The following SEZ6L2 variants were observed in gnomAD, a reference collection of about 807,000 sequenced individuals.
SEZ6L2 encodes the protein seizure related 6 homolog like 2.
Under a neutral mutation model 97.0 loss-of-function variants are expected in SEZ6L2, and 44 were observed. The ratio of observed to expected loss-of-function variants is 0.45; its 90% confidence interval spans 0.36 to 0.58. The LOEUF is 0.58. Ranked by LOEUF, SEZ6L2 falls within the 20% of genes least tolerant of loss-of-function variation. The pLI is 0.00. For missense variants in SEZ6L2, 1,086 were observed against 1,233.3 expected, an observed-to-expected ratio of 0.88 and a Z score of 1.79; for synonymous variants, 543 against 546.1, an observed-to-expected ratio of 0.99 and a Z score of 0.08.
Position 29,888,705 on chromosome 16 carries a change from A to G in SEZ6L2, c.874T>C (p.Phe292Leu), listed in dbSNP as rs2150804796. ...TCCCCATGGGCCGGCCGGGGAGGGA[A>G]GCCACAGCTCAGGAGGTAGGCTGCA... ...HYQAYLLSCG[F>L]PPRPAHGDVS... The change falls in exon 6 of 18, where the codon TTC (phenylalanine) becomes CTC (leucine). Residue 292 changes from phenylalanine to leucine, a missense_variant. By Grantham distance (22) the Phe-to-Leu change is conservative (BLOSUM62 0). Coordinates refer to ENST00000617533, the MANE Select transcript of SEZ6L2 (RefSeq NM_001243332.2). 1.2e-6 allele frequency: 2 copies of G among 1,613,244 alleles called. No individual in the cohort carries two copies. The highest frequency in any genetic ancestry group is 8.5e-7 in the Non-Finnish European group (1 of 1,179,736).
At chr16:29,872,115 G>A (rs2067795139) in intron 17 of SEZ6L2, 72 bp downstream of exon 17, 2 of 1,224,500 alleles carry the variant, frequency 1.6e-6, no homozygotes, top group Admixed American at 2.3e-5. Context: ...AGATTCCAGA[G>A]ACCTTGCGAG....
At chr16:29,879,157 C>A (rs1596967348) in intron 9 of SEZ6L2, among the ~76,000 whole-genome samples, 1 of 152,024 alleles carries the variant, frequency 6.6e-6, no homozygotes, top group African/African-American at 2.4e-5. Flanking sequence ...CCTGCCTGAG[C>A]CTCCCAGAGT....
chr16:29,895,659 A>C (rs749203956), intron 4 of SEZ6L2, 62 bp downstream of exon 4: 2 of 1,557,316 alleles, frequency 1.3e-6, no homozygotes, highest in Non-Finnish European at 1.7e-6. Flanking sequence ...AAACCCGTGC[A>C]CACCCACAGC....
In SEZ6L2 at chr16:29,880,476, C is replaced by T. The variant is rs142266433; in HGVS notation, c.1373-412G>A. ...CTGGGATTATAGGCATGTGCTACTA[C>T]GCCTGGCTAATTTTTTGTATTTTTA... On this transcript the variant is annotated intron_variant, in intron 8 of 17. Coordinates refer to ENST00000617533, the MANE Select transcript of SEZ6L2 (RefSeq NM_001243332.2). Among the ~76,000 whole-genome samples, 246 of 152,224 alleles carry T rather than the reference C, an allele frequency of 1.6e-3. 3 individuals are homozygous for T. Among genetic ancestry groups the T allele is most frequent in the African/African-American group, 5.7e-3 (236 of 41,536 alleles).
rs950097429 is a variant in SEZ6L2 at position 29,888,652 on chromosome 16, C to T, written c.927G>A (p.Gly309=). The T allele has an allele frequency of 6.2e-7, 1 of 1,614,022 alleles. No individual in the cohort carries two copies. Among genetic ancestry groups the T allele is most frequent in the Non-Finnish European group, 8.5e-7 (1 of 1,179,960 alleles). The change falls in exon 6 of 18, where the codon GGG becomes GGA. Residue 309 remains glycine, a synonymous_variant. Transcript: ENST00000617533. ...AATCACAGTGAAAGGTGGCAGTGCC[C>T]CCAGGGTGCAGGTCCGTCACACTCA... is the stretch of plus-strand genomic sequence containing the variant. The part of the protein sequence containing the change: ...GDVSVTDLHP[G]GTATFHCDSG...
Position 29,876,995 on chromosome 16 carries a change from G to A in SEZ6L2, c.1910-45C>T, listed in dbSNP as rs779111351. 3 of 1,548,592 alleles carry A rather than the reference G, an allele frequency of 1.9e-6. No individual in the cohort carries two copies. Among genetic ancestry groups the A allele is most frequent in the South Asian group, 2.3e-5 (2 of 86,256 alleles). ...AGTTTGGAGGCTGCGTTTTAACTGC[G>A]GGCTCCCTTCCAGCCTCGGAGGCTT... On this transcript the variant is annotated intron_variant, in intron 11 of 17. Transcript: ENST00000617533. This position sits in a 1 kb window ranked among gnomAD's most constrained non-coding sequence, Gnocchi z 6.5.
chr16:29,898,300 C>G (rs2068450963), intron 1 of SEZ6L2, among the ~76,000 whole-genome samples: 1 of 152,208 alleles, frequency 6.6e-6, no homozygotes, highest in Non-Finnish European at 1.5e-5. Context: ...TTCCCTTTCA[C>G]CTCAGTGGTG....
In SEZ6L2 at chr16:29,895,475, C is replaced by A. The variant is rs2068365148; in HGVS notation, c.652-15G>T. 1 of 1,612,388 alleles carries A rather than the reference C, an allele frequency of 6.2e-7. No individual in the cohort carries two copies. The highest frequency in any genetic ancestry group is 1.3e-5 in the African/African-American group (1 of 74,934). ...AGCGTCTGCACCTAGAGAAGCCAGA[C>A]ACAGACCCGCCAGGGCAAGTCAGCC... is the stretch of plus-strand genomic sequence containing the variant. On this transcript the variant is annotated splice_polypyrimidine_tract_variant and intron_variant, in intron 4 of 17. Coordinates refer to ENST00000617533, the MANE Select transcript of SEZ6L2 (RefSeq NM_001243332.2).
At chr16:29,887,443 G>A (rs1432936617) in intron 7 of SEZ6L2, among the ~76,000 whole-genome samples, 4 of 150,684 alleles carry the variant, frequency 2.7e-5, no homozygotes, top group African/African-American at 9.8e-5. Context: ...TGGGACTACA[G>A]GTGCCCACCA....
At chr16:29,897,808 C>T (rs371103985) in intron 2 of SEZ6L2, 45 bp downstream of exon 2, 303 of 1,557,894 alleles carry the variant, frequency 1.9e-4, no homozygotes, top group Admixed American at 8.6e-4. Context: ...AGCCCATATC[C>T]CTCCCTCTGC....
At chr16:29,894,992 A>C (rs1048300084) in intron 5 of SEZ6L2, among the ~76,000 whole-genome samples, 4 of 152,024 alleles carry the variant, frequency 2.6e-5, no homozygotes, top group Admixed American at 6.6e-5. Context: ...ATCCTGGCTA[A>C]CGCGGTGAAA....
At chr16:29,881,855 C>A (rs2068037608) in intron 8 of SEZ6L2, among the ~76,000 whole-genome samples, 1 of 148,434 alleles carries the variant, frequency 6.7e-6, no homozygotes, top group Non-Finnish European at 1.5e-5. Context: ...GTCTCGAACA[C>A]CTGACCTCAG....
intron 8 of SEZ6L2, among the ~76,000 whole-genome samples, chr16:29,884,844 C>A (rs2068100538): frequency 6.6e-6 from 1 of 151,302 alleles, no homozygotes; most frequent in South Asian, 2.1e-4. Context: ...ACCCGGGAGG[C>A]AGAGGTTGCG....
rs1320016176 is a variant in SEZ6L2 at position 29,876,045 on chromosome 16, G to A, written c.2104+711C>T. ...CCCACAGCACTTCGCCACGCCCAGGGCAGCATGCGCCCTGTGAACTTTCCA... is the reference window on the plus strand; with the variant it reads ...CCCACAGCACTTCGCCACGCCCAGGACAGCATGCGCCCTGTGAACTTTCCA... On this transcript the variant is annotated intron_variant, in intron 12 of 17. Coordinates refer to ENST00000617533, the MANE Select transcript of SEZ6L2 (RefSeq NM_001243332.2). This position sits in a 1 kb window ranked among gnomAD's most constrained non-coding sequence, Gnocchi z 6.5. 6.6e-6 allele frequency among the ~76,000 whole-genome samples: 1 copy of A among 152,048 alleles called. No homozygotes were observed. The highest frequency in any genetic ancestry group is 1.9e-4 in the East Asian group (1 of 5,178).
chr16:29,884,072 T>G (rs770550582), intron 8 of SEZ6L2, among the ~76,000 whole-genome samples: 1 of 152,132 alleles, frequency 6.6e-6, no homozygotes, highest in Non-Finnish European at 1.5e-5. Flanking sequence ...ATTTTAATTT[T>G]GGGACGCAGG....
At chr16:29,878,781 AT>A (rs1326352156) in intron 9 of SEZ6L2, among the ~76,000 whole-genome samples, 1 of 73,792 alleles carries the variant, frequency 1.4e-5, no homozygotes, top group African/African-American at 5.1e-5. Flanking sequence ...TTTTTTTTGT[AT>A]TTTTAGTAGA....
At chr16:29,896,481 G>C (rs1208078179) in intron 3 of SEZ6L2, among the ~76,000 whole-genome samples, 1 of 152,014 alleles carries the variant, frequency 6.6e-6, no homozygotes, top group Non-Finnish European at 1.5e-5. Context: ...GTTTCTCCAT[G>C]TTGCTCAGGC....
At chr16:29,882,287 A>T (rs1181883534) in intron 8 of SEZ6L2, among the ~76,000 whole-genome samples, 1 of 151,722 alleles carries the variant, frequency 6.6e-6, no homozygotes, top group Non-Finnish European at 1.5e-5. Context: ...ATTTATTTTT[A>T]AAAATGAGGC....
intron 7 of SEZ6L2, among the ~76,000 whole-genome samples, chr16:29,887,106 G>T (rs989896030): frequency 6.6e-6 from 1 of 150,866 alleles, no homozygotes; most frequent in African/African-American, 2.4e-5. Flanking sequence ...ACTTGAACCC[G>T]GGAGGCAGAG....
Sources: allele counts gnomAD v4.1 joint callset (sites outside exome capture counted in the v4.1 genomes callset), GRCh38; gene constraint gnomAD v4.1.1; non-coding constraint Gnocchi (gnomAD v3.1); transcripts MANE v1.5; gene names NCBI Gene and HGNC (gene_info 2026-07-23, HGNC 2026-07-21).